CDH11: variants seen among roughly 807,000 people sequenced by gnomAD.
The protein encoded by CDH11 is cadherin 11.
CDH11 carries 11 observed loss-of-function variants against 67.8 expected under a neutral mutation model. The ratio of observed to expected loss-of-function variants is 0.16; its 90% CI spans 0.10 to 0.27. The LOEUF is 0.27. Ranked by LOEUF, CDH11 falls within the 10% of genes least tolerant of loss-of-function variation. The pLI is 1.00. For synonymous variants in CDH11, 419 were observed against 400.0 expected (o/e 1.05, Z -0.57); for missense variants, 847 against 1,031.2 (o/e 0.82, Z 2.45).
intron 1 of CDH11, among the ~76,000 whole-genome samples, chr16:65,058,681 TA>T (rs1205960069): frequency 6.6e-6 from 1 of 152,142 alleles, no homozygotes; most frequent in Non-Finnish European, 1.5e-5. Flanking sequence ...ATTTTTTTTG[TA>T]AAAAATTGGG....
At chr16:64,991,215 C>G (rs2072620794) in intron 6 of CDH11, 1 of 152,292 alleles carries the variant, frequency 6.6e-6, no homozygotes, top group African/African-American at 2.4e-5. Flanking sequence ...GCCAGCCATG[C>G]AAGTAAGCTG....
chr16:64,976,381 G>T (rs1358064029), intron 8 of CDH11, among the ~76,000 whole-genome samples: 1 of 151,982 alleles, frequency 6.6e-6, no homozygotes, highest in African/African-American at 2.4e-5. Flanking sequence ...ACAAAAATGT[G>T]TCTAATGCTA....
intron 11 of CDH11, among the ~76,000 whole-genome samples, chr16:64,960,192 G>T (rs1054382735): frequency 6.6e-6 from 1 of 152,090 alleles, no homozygotes; most frequent in Non-Finnish European, 1.5e-5. Flanking sequence ...GCAAGGGCTG[G>T]GTGATGGGGT....
intron 2 of CDH11, among the ~76,000 whole-genome samples, chr16:65,046,963 G>A (rs1268156893): frequency 6.6e-6 from 1 of 152,068 alleles, no homozygotes; most frequent in African/African-American, 2.4e-5. Context: ...CAGAAAATTA[G>A]CCAGCCGTGG....
chr16:64,998,958 A>G, intron 3 of CDH11, 102 bp from the exon 4 acceptor site: 1 of 910,988 alleles, frequency 1.1e-6, no homozygotes, highest in Non-Finnish European at 1.7e-6. Context: ...CACACACGTC[A>G]TGAAAGGGAG....
intron 2 of CDH11, among the ~76,000 whole-genome samples, chr16:65,031,812 CAT>C (rs1468504474): frequency 6.6e-6 from 1 of 152,064 alleles, no homozygotes; most frequent in African/African-American, 2.4e-5. Context: ...TGTGCTGAAG[CAT>C]ACAAAGATGG....
At chr16:65,085,528 C>A (rs1879261) in intron 1 of CDH11, among the ~76,000 whole-genome samples, 135,887 of 152,256 alleles carry the variant, frequency 0.89, 60,696 homozygotes, top group East Asian at 1. Flanking sequence ...ACATCTATTC[C>A]TCAAGTACTT....
At position 64,971,713 on chromosome 16, in the gene CDH11, G is replaced by T. The variant is rs1440728550; in HGVS notation, c.1525-17C>A. The T allele has an allele frequency of 1.1e-5, 17 of 1,558,920 alleles. No homozygotes were observed. The highest frequency in any genetic ancestry group is 1.5e-5 in the Non-Finnish European group (17 of 1,131,192). On this transcript the variant is annotated splice_polypyrimidine_tract_variant and intron_variant, in intron 10 of 12. Transcript: ENST00000268603. ...AACAATTGGCTGAAAGAGAAAGGTG[G>T]CCCATAAATAAATCATGCTGACATT...
At chr16:65,059,045 C>A (rs571436658) in intron 1 of CDH11, among the ~76,000 whole-genome samples, 36 of 152,178 alleles carry the variant, frequency 2.4e-4, no homozygotes, top group Non-Finnish European at 4.6e-4. Flanking sequence ...TAAATATTAA[C>A]ATACAATTTT....
In CDH11 at chr16:64,945,872, T is replaced by G; in HGVS notation, c.*1731A>C. The G allele has an allele frequency of 9.5e-7, 1 of 1,056,316 alleles. No homozygotes were observed. Among genetic ancestry groups the G allele is most frequent in the Non-Finnish European group, 1.1e-6 (1 of 873,714 alleles). The allele number at this position is 1,056,316 out of a possible 1,614,324, so 65.4% of individuals were successfully genotyped here. A position where few individuals can be genotyped will look rare whatever the true frequency, so the allele number is the denominator to read the frequency against. On this transcript the variant is annotated 3_prime_UTR_variant, in exon 13 of 13. Transcript: ENST00000268603. ...AAAAAACTGTAAAAATTGTCTGCAA[T>G]CCAAGAAAAAGCACGTGCCCTGTGT...
intron 1 of CDH11, among the ~76,000 whole-genome samples, chr16:65,119,973 C>T (rs887294484): frequency 1.3e-5 from 2 of 152,158 alleles, no homozygotes; most frequent in Non-Finnish European, 2.9e-5. Flanking sequence ...AACTCTAAAA[C>T]TTGGAATCAG....
At chr16:65,035,554 T>C (rs1168531377) in intron 2 of CDH11, among the ~76,000 whole-genome samples, 3 of 152,208 alleles carry the variant, frequency 2.0e-5, no homozygotes, top group African/African-American at 4.8e-5. Flanking sequence ...TGATAGTTTA[T>C]AGCTATATAC....
chr16:65,007,168 T>G (rs934404944), intron 2 of CDH11: 1 of 152,230 alleles, frequency 6.6e-6, no homozygotes, highest in African/African-American at 2.4e-5. Context: ...CCATTCCATT[T>G]TGATGAACTT....
chr16:65,102,302 C>T (rs189967470), intron 1 of CDH11, among the ~76,000 whole-genome samples: 1 of 152,136 alleles, frequency 6.6e-6, no homozygotes, highest in African/African-American at 2.4e-5. Context: ...AATCTTACGG[C>T]CAATTTGTCT....
rs531708678 is a variant in CDH11 at position 64,958,389 on chromosome 16, C to T, written c.1643-7371G>A. Among the ~76,000 whole-genome samples the T allele has an allele frequency of 1.7e-4, 22 of 133,040 alleles. No homozygotes were observed. The Admixed American group carries it at 1.8e-3, about 11-fold the overall frequency. 87.3% of individuals were successfully genotyped at this position (133,040 alleles called of 152,430 possible). On this transcript the variant is annotated intron_variant, in intron 11 of 12. Transcript: ENST00000268603. Reference sequence around the variant, plus strand: ...GCTTTTGCTAAATATCTTCATCTTGCTATCTTATTATTCTGTTATTATTAT... The same window carrying T: ...GCTTTTGCTAAATATCTTCATCTTGTTATCTTATTATTCTGTTATTATTAT...
intron 6 of CDH11, among the ~76,000 whole-genome samples, chr16:64,991,006 G>A (rs2072616250): frequency 6.6e-6 from 1 of 152,108 alleles, no homozygotes; most frequent in South Asian, 2.1e-4. Flanking sequence ...ATTGAAAGGT[G>A]GGGTCTACAT....
intron 1 of CDH11, among the ~76,000 whole-genome samples, chr16:65,099,998 G>C (rs1309051661): frequency 6.6e-6 from 1 of 152,070 alleles, no homozygotes. Context: ...GAAATGATAA[G>C]GGCAGAAAAC....
At chr16:65,050,778 T>G (rs553735122) in intron 2 of CDH11, among the ~76,000 whole-genome samples, 1 of 150,546 alleles carries the variant, frequency 6.6e-6, no homozygotes, top group Non-Finnish European at 1.5e-5. Context: ...CAAAATAGAC[T>G]GTTCTTAATT....
At chr16:64,950,349 G>C (rs922081873) in intron 12 of CDH11, among the ~76,000 whole-genome samples, 1 of 151,932 alleles carries the variant, frequency 6.6e-6, no homozygotes, top group African/African-American at 2.4e-5. Context: ...CCTTCTTATG[G>C]GCCTAATGTC....
Sources: gnomAD v4.1 joint callset for allele counts (sites outside exome capture counted in the v4.1 genomes callset) on GRCh38, gnomAD v4.1.1 for gene constraint, MANE v1.5 for transcripts, NCBI Gene and HGNC (gene_info 2026-07-23, HGNC 2026-07-21) for gene names.